The following CA12 variants were observed in gnomAD, a reference collection of about 807,000 sequenced individuals.
The protein encoded by CA12 is carbonic anhydrase 12.
CA12 carries 36 observed loss-of-function variants against 46.8 expected under a neutral mutation model. That is an observed-to-expected ratio of 0.77 (90% CI 0.59 to 1.02). The LOEUF is 1.02. CA12 is among the 50% of genes least tolerant of loss of function. The pLI, the probability that CA12 is intolerant of heterozygous loss-of-function variation, is 0.00. For synonymous variants in CA12, 202 were observed against 187.0 expected, an observed-to-expected ratio of 1.08 and a Z score of -0.65; for missense variants, 436 against 451.4, an observed-to-expected ratio of 0.97 and a Z score of 0.31.
intron 8 of CA12, among the ~76,000 whole-genome samples, chr15:63,333,277 G>T (rs923702790): frequency 4.2e-4 from 64 of 152,366 alleles, no homozygotes; most frequent in South Asian, 2.1e-4. Flanking sequence ...ACCAAGGGTG[G>T]GTCCAGCCGT....
chr15:63,341,769 G>A lies in CA12; in HGVS notation c.525+233C>T, dbSNP rs1018484392. On this transcript the variant is annotated intron_variant, in intron 5 of 10. Transcript: ENST00000178638. The surrounding 1 kb of genome is among the most constrained non-coding windows in gnomAD (Gnocchi z 5.2). The stretch of plus-strand genomic sequence containing the variant: ...GCAACAGGGCTAGATGTTGGGGCCC[G>A]TTTTTCCAACGGACCAAAGAACATT... Among the ~76,000 whole-genome samples the A allele has an allele frequency of 2.6e-5, 4 of 152,194 alleles. No homozygotes were observed. Among genetic ancestry groups the A allele is most frequent in the African/African-American group, 7.2e-5 (3 of 41,456 alleles).
intron 2 of CA12, among the ~76,000 whole-genome samples, chr15:63,350,493 G>A (rs1313375474): frequency 6.6e-6 from 1 of 152,136 alleles, no homozygotes; most frequent in Non-Finnish European, 1.5e-5. Flanking sequence ...CAGTTGGTTG[G>A]ACTCCTCCCA....
chr15:63,354,430 C>T (rs184275829), intron 2 of CA12, among the ~76,000 whole-genome samples: 1 of 150,570 alleles, frequency 6.6e-6, no homozygotes, highest in East Asian at 1.9e-4. Context: ...TTGTTTGGGT[C>T]AGCTGGAGAC....
At chr15:63,361,939 G>T (rs570038724) in intron 2 of CA12, among the ~76,000 whole-genome samples, 2 of 152,284 alleles carry the variant, frequency 1.3e-5, no homozygotes, top group East Asian at 3.9e-4. Context: ...AACTAGTGAG[G>T]CTTCTTTCCC....
At chr15:63,359,738 A>T (rs148743820) in intron 2 of CA12, among the ~76,000 whole-genome samples, 1 of 152,306 alleles carries the variant, frequency 6.6e-6, no homozygotes, top group Non-Finnish European at 1.5e-5. Flanking sequence ...CAGAAAAAAA[A>T]TGCTATCAAG....
chr15:63,340,576 T>G lies in CA12; in HGVS notation c.590-131A>C. Reference sequence around the variant, plus strand: ...GGGTCATCTAACCCCAGGACCTGGTTGCAACATTGTTCAACAACCTGCTGC... The same window carrying G: ...GGGTCATCTAACCCCAGGACCTGGTGGCAACATTGTTCAACAACCTGCTGC... On this transcript the variant is annotated intron_variant, in intron 6 of 10. Transcript: ENST00000178638. The surrounding 1 kb of genome is among the most constrained non-coding windows in gnomAD (Gnocchi z 4.4). 7.1e-7 allele frequency: 1 copy of G among 1,415,086 alleles called. No individual in the cohort carries two copies. The allele number at this position is 1,415,086 out of a possible 1,614,324, so 87.7% of individuals were successfully genotyped here.
intron 8 of CA12, among the ~76,000 whole-genome samples, chr15:63,335,952 C>T (rs936677520): frequency 4.6e-5 from 7 of 152,174 alleles, no homozygotes; most frequent in African/African-American, 1.7e-4. Context: ...GGGAAGCAGC[C>T]GCACTTGCTG....
intron 1 of CA12, among the ~76,000 whole-genome samples, chr15:63,379,780 C>T (rs2039621580): frequency 6.6e-6 from 1 of 152,192 alleles, no homozygotes; most frequent in Non-Finnish European, 1.5e-5. Context: ...TCCTGGGTAG[C>T]CCAAGACTGC....
chr15:63,333,058 C>G (rs921576733), intron 8 of CA12, among the ~76,000 whole-genome samples: 2 of 152,180 alleles, frequency 1.3e-5, no homozygotes, highest in African/African-American at 4.8e-5. Flanking sequence ...GAGATTAAGT[C>G]ACCTTTAGAG....
chr15:63,379,072 T>G (rs2039612103), intron 1 of CA12: 1 of 152,276 alleles, frequency 6.6e-6, no homozygotes, highest in African/African-American at 2.4e-5. Context: ...GGGCTAAAAG[T>G]CATAGAGTGG....
intron 2 of CA12, among the ~76,000 whole-genome samples, chr15:63,368,369 C>T (rs73444960): frequency 0.037 from 5,679 of 152,178 alleles, 271 homozygotes; most frequent in South Asian, 0.11. Context: ...CAGCAGTTGC[C>T]CCTGCGAAGG....
Position 63,328,197 on chromosome 15 carries a change from T to TC in CA12, c.875-68_875-67insG. On this transcript the variant is annotated intron_variant, in intron 8 of 10. Transcript: ENST00000178638. This position sits in a 1 kb window ranked among gnomAD's most constrained non-coding sequence, Gnocchi z 5.9. Reference sequence around the variant, plus strand: ...AACCACACTGGATTTGAGCAGCGTGTTGAGAGACGCTCTACCATTTGTTTG... The same window carrying TC: ...AACCACACTGGATTTGAGCAGCGTGTCTGAGAGACGCTCTACCATTTGTTTG... 2.1e-6 allele frequency: 3 copies of TC among 1,410,038 alleles called. No individual in the cohort carries two copies. The highest frequency in any genetic ancestry group is 3.0e-6 in the Non-Finnish European group (3 of 994,838). 87.3% of individuals were successfully genotyped at this position (1,410,038 alleles called of 1,614,324 possible). A position where few individuals can be genotyped will look rare whatever the true frequency, so the allele number is the denominator to read the frequency against.
chr15:63,371,403 G>A (rs1054147701), intron 2 of CA12, among the ~76,000 whole-genome samples: 1 of 152,202 alleles, frequency 6.6e-6, no homozygotes, highest in Non-Finnish European at 1.5e-5. Context: ...AGAGCCGAGG[G>A]CCACGAGGGC....
chr15:63,327,689 C>T lies in CA12; in HGVS notation c.907+409G>A, dbSNP rs1299156237. ...CTGTCTTTGCCTGCTGGATTTAAGGCCCATTGGCTGTCTCCATCAGTTTTG... is the reference window on the plus strand; with the variant it reads ...CTGTCTTTGCCTGCTGGATTTAAGGTCCATTGGCTGTCTCCATCAGTTTTG... On this transcript the variant is annotated intron_variant, in intron 9 of 10. Coordinates refer to ENST00000178638, the MANE Select transcript of CA12 (RefSeq NM_001218.5). The surrounding 1 kb of genome is among the most constrained non-coding windows in gnomAD (Gnocchi z 4.5). Among the ~76,000 whole-genome samples, 1 of 152,106 alleles carries T rather than the reference C, an allele frequency of 6.6e-6. No homozygotes were observed. The highest frequency in any genetic ancestry group is 1.5e-5 in the Non-Finnish European group (1 of 68,026).
chr15:63,371,809 G>T (rs900279235), intron 2 of CA12, among the ~76,000 whole-genome samples: 4 of 151,774 alleles, frequency 2.6e-5, no homozygotes, highest in African/African-American at 9.7e-5. Flanking sequence ...ATTCTTTCTG[G>T]TTGCTCTGTT....
chr15:63,327,968 C>T lies in CA12; in HGVS notation c.907+130G>A, dbSNP rs1446746240. On this transcript the variant is annotated intron_variant, in intron 9 of 10. Coordinates refer to ENST00000178638, the MANE Select transcript of CA12 (RefSeq NM_001218.5). The surrounding 1 kb of genome is among the most constrained non-coding windows in gnomAD (Gnocchi z 4.5). ...ATCACAGAGCGACTTGAGGGTAAGA[C>T]CCATAGCAAGGAGAGGGCCAGGAGC... 8.5e-6 allele frequency: 7 copies of T among 827,444 alleles called. No homozygotes were observed. The highest frequency in any genetic ancestry group is 1.7e-5 in the African/African-American group (1 of 60,116). 51.3% of individuals were successfully genotyped at this position (827,444 alleles called of 1,614,324 possible).
At position 63,372,694 on chromosome 15, in the gene CA12, C is replaced by A. The variant is rs2039522250; in HGVS notation, c.106+2964G>T. On this transcript the variant is annotated intron_variant, in intron 2 of 10. Transcript: ENST00000178638. This position sits in a 1 kb window ranked among gnomAD's most constrained non-coding sequence, Gnocchi z 4.5. ...CTGGGCCCTCTGTCTACCTGTGCAGCCCTGAGCACAGGTGCCAGCTGCCAG... is the reference window on the plus strand; with the variant it reads ...CTGGGCCCTCTGTCTACCTGTGCAGACCTGAGCACAGGTGCCAGCTGCCAG... Among the ~76,000 whole-genome samples the A allele has an allele frequency of 6.6e-6, 1 of 152,200 alleles. No homozygotes were observed. Among genetic ancestry groups the A allele is most frequent in the Non-Finnish European group, 1.5e-5 (1 of 68,038 alleles).
intron 8 of CA12, among the ~76,000 whole-genome samples, chr15:63,336,438 C>T (rs991456900): frequency 2.0e-5 from 3 of 151,942 alleles, no homozygotes; most frequent in Non-Finnish European, 4.4e-5. Flanking sequence ...TGCCCTCAAA[C>T]ACTGTCCCTG....
At chr15:63,335,496 C>T (rs2038990519) in intron 8 of CA12, among the ~76,000 whole-genome samples, 1 of 151,500 alleles carries the variant, frequency 6.6e-6, no homozygotes, top group African/African-American at 2.4e-5. Context: ...CAGGGTCTCA[C>T]TCTGTCACCC....
Sources: allele counts gnomAD v4.1 joint callset (sites outside exome capture counted in the v4.1 genomes callset), GRCh38; gene constraint gnomAD v4.1.1; non-coding constraint Gnocchi (gnomAD v3.1); transcripts MANE v1.5; gene names NCBI Gene and HGNC (gene_info 2026-07-23, HGNC 2026-07-21).